The following RALGPS2 variants were observed in gnomAD, a reference collection of about 807,000 sequenced individuals.
The protein encoded by RALGPS2 is ras-specific guanine nucleotide-releasing factor RalGPS2.
RALGPS2 carries 43 observed loss-of-function variants against 86.8 expected under a neutral mutation model. The ratio of observed to expected loss-of-function variants is 0.50; its 90% CI spans 0.39 to 0.64. RALGPS2 has a LOEUF of 0.64. Among genes scored for constraint, RALGPS2 ranks in the 30% least tolerant of loss-of-function variants. The probability of loss-of-function intolerance (pLI) is 0.00; values close to 1 mark genes in which losing one functional copy is unlikely to be tolerated. For missense variants in RALGPS2, 536 were observed against 694.6 expected (o/e 0.77, Z 2.57); for synonymous variants, 243 against 231.3 (o/e 1.05, Z -0.46).
intron 8 of RALGPS2, among the ~76,000 whole-genome samples, chr1:178,836,807 G>A (rs1656294562): frequency 6.6e-6 from 1 of 151,410 alleles, no homozygotes; most frequent in South Asian, 2.1e-4. Flanking sequence ...CAGAGACAGG[G>A]TCTCACTCTG....
chr1:178,856,198 G>GATATAT (rs1232946834), intron 8 of RALGPS2, among the ~76,000 whole-genome samples: 14 of 47,260 alleles, frequency 3.0e-4, no homozygotes, highest in African/African-American at 6.8e-4. Context: ...TCCAGAGAGA[G>GATATAT]AGAGATATAT....
intron 6 of RALGPS2, among the ~76,000 whole-genome samples, chr1:178,821,314 A>T (rs1655492968): frequency 1.3e-5 from 2 of 152,206 alleles, no homozygotes. Flanking sequence ...AGCTTTCATG[A>T]TCATACCATG....
intron 8 of RALGPS2, among the ~76,000 whole-genome samples, chr1:178,873,713 T>C (rs1658871204): frequency 6.6e-6 from 1 of 152,156 alleles, no homozygotes; most frequent in Non-Finnish European, 1.5e-5. Flanking sequence ...GTCTATCAAA[T>C]AAAATGGATG....
Position 178,885,990 on chromosome 1 carries a change from A to G in RALGPS2, c.1062A>G (p.Thr354=). ...LGYNFIHKMN[T]AEFKSATFPN... is the part of the protein sequence containing the mutation. ...CTAGTTTCATTCATAAAATGAACAC[A>G]GCAGAATTTAAGAGTGCAACGTTTC... Residue 354 remains threonine (T), a synonymous_variant, in exon 13 of 20, where the codon ACA becomes ACG. Transcript: ENST00000367635. 6.2e-7 allele frequency: 1 copy of G among 1,603,166 alleles called. No homozygotes were observed. Among genetic ancestry groups the G allele is most frequent in the Non-Finnish European group, 8.5e-7 (1 of 1,176,044 alleles).
chr1:178,784,375 T>G, intron 2 of RALGPS2, 43 bp from the exon 3 acceptor site: 63 of 1,466,938 alleles, frequency 4.3e-5, no homozygotes, highest in Non-Finnish European at 5.5e-5. Flanking sequence ...CACTTGATTG[T>G]GAGACAGTAT....
chr1:178,894,366 T>A (rs1659848672), intron 16 of RALGPS2: 1 of 158,416 alleles, frequency 6.3e-6, no homozygotes, highest in Non-Finnish European at 1.4e-5. Flanking sequence ...AAAACTAGCA[T>A]GAATTTCTTT....
At chr1:178,759,376 G>C (rs1350839414) in intron 1 of RALGPS2, among the ~76,000 whole-genome samples, 1 of 152,030 alleles carries the variant, frequency 6.6e-6, no homozygotes, top group Non-Finnish European at 1.5e-5. Flanking sequence ...TGTTGAAAAT[G>C]AGTTTACTGT....
chr1:178,849,597 G>A (rs963716567), intron 8 of RALGPS2: 1 of 152,068 alleles, frequency 6.6e-6, no homozygotes, highest in Non-Finnish European at 1.5e-5. Flanking sequence ...TAGATGCCCA[G>A]TTCCTTCCAG....
intron 18 of RALGPS2, among the ~76,000 whole-genome samples, chr1:178,902,932 A>G (rs1558179591): frequency 1.3e-5 from 2 of 152,154 alleles, no homozygotes; most frequent in Middle Eastern, 3.2e-3. Flanking sequence ...ATAACTGGCT[A>G]TTGACCATTG....
intron 1 of RALGPS2, among the ~76,000 whole-genome samples, chr1:178,754,267 T>C (rs1007144955): frequency 1.3e-5 from 2 of 151,276 alleles, no homozygotes; most frequent in Non-Finnish European, 2.9e-5. Flanking sequence ...TTACATACAC[T>C]ATATAATTTC....
intron 8 of RALGPS2, among the ~76,000 whole-genome samples, chr1:178,851,703 T>C (rs55633422): frequency 0.045 from 6,878 of 152,208 alleles, 158 homozygotes; most frequent in Non-Finnish European, 0.057. Context: ...CAAAAAATAA[T>C]ACAAAGTAAA....
chr1:178,813,437 C>T (rs1474044856), intron 6 of RALGPS2, among the ~76,000 whole-genome samples: 2 of 152,166 alleles, frequency 1.3e-5, no homozygotes, highest in Non-Finnish European at 2.9e-5. Context: ...TTGCCTTCAT[C>T]CCAAGCTCTA....
rs1419120440 is a variant in RALGPS2, at chr1:178,773,774, C to T, written c.-83-2908C>T. Among the ~76,000 whole-genome samples the T allele has an allele frequency of 1.1e-4, 16 of 145,100 alleles. No homozygotes were observed. The East Asian group carries it at 1.2e-3, about 11-fold the overall frequency. On this transcript the variant is annotated intron_variant, in intron 1 of 19. Coordinates refer to ENST00000367635, the MANE Select transcript of RALGPS2 (RefSeq NM_152663.5). ...TCCCGCCACTGCACTCCAGCCTGGGCGACAGAGCAAGACTCCGTCTCAAAA... is the reference window on the plus strand; with the variant it reads ...TCCCGCCACTGCACTCCAGCCTGGGTGACAGAGCAAGACTCCGTCTCAAAA...
intron 18 of RALGPS2, 132 bp from the exon 19 acceptor site, chr1:178,906,644 A>C (rs1660400085): frequency 1.5e-6 from 1 of 646,372 alleles, no homozygotes; most frequent in Admixed American, 3.2e-5. Flanking sequence ...AATACAATAA[A>C]ATGGAGGTGT....
chr1:178,783,422 A>C (rs528592462), intron 2 of RALGPS2, among the ~76,000 whole-genome samples: 80 of 152,324 alleles, frequency 5.3e-4, no homozygotes, highest in African/African-American at 1.9e-3. Context: ...CAGAAAGACA[A>C]GAGAAAGAAG....
chr1:178,878,831 T>A, intron 9 of RALGPS2, 71 bp from the exon 10 acceptor site: 1 of 1,565,942 alleles, frequency 6.4e-7, no homozygotes, highest in Non-Finnish European at 8.6e-7. Context: ...TTTAAGTTAT[T>A]TTCAGCTTAA....
At chr1:178,752,670 A>G (rs7519811) in intron 1 of RALGPS2, among the ~76,000 whole-genome samples, 11,782 of 151,412 alleles carry the variant, frequency 0.078, 478 homozygotes, top group African/African-American at 0.099. Flanking sequence ...AATTATTTCA[A>G]TCTTCTTAGA....
chr1:178,856,190 C>CAGAGAGAG (rs139246466), intron 8 of RALGPS2, among the ~76,000 whole-genome samples: 6 of 69,112 alleles, frequency 8.7e-5, no homozygotes, highest in African/African-American at 3.3e-4. Flanking sequence ...TGTACTTTTC[C>CAGAGAGAG]AGAGAGAGAG....
chr1:178,805,705 A>G (rs578171126), intron 4 of RALGPS2, among the ~76,000 whole-genome samples: 4 of 152,270 alleles, frequency 2.6e-5, no homozygotes, highest in Admixed American at 6.5e-5. Flanking sequence ...ACTATAGAAG[A>G]TGATTTCACT....
Sources: allele counts gnomAD v4.1 joint callset (sites outside exome capture counted in the v4.1 genomes callset), GRCh38; gene constraint gnomAD v4.1.1; transcripts MANE v1.5; gene names NCBI Gene and HGNC (gene_info 2026-07-23, HGNC 2026-07-21).